PHF24: variants seen among roughly 807,000 people sequenced by gnomAD.
PHF24 encodes Galpha inhibitory interacting protein.
Under a neutral mutation model 42.6 loss-of-function variants are expected in PHF24, and 25 were observed. The observed-to-expected ratio is 0.59, with a 90% CI of 0.43 to 0.82. The LOEUF is 0.82. Among genes scored for constraint, PHF24 ranks in the 40% least tolerant of loss-of-function variants. PHF24 has a pLI of 0.00. For synonymous variants in PHF24, 185 were observed against 204.8 expected (o/e 0.90, Z 0.83); for missense variants, 470 against 538.1 (o/e 0.87, Z 1.25).
the PHF24 span, among the ~76,000 whole-genome samples, chr9:34,715,462 C>A: frequency 6.6e-6 from 1 of 152,158 alleles, no homozygotes; most frequent in Non-Finnish European, 1.5e-5. Context: ...ACCCAAGCTC[C>A]TCTCAGTCCT....
exon 8 of PHF24, chr9:34,978,225 G>A (rs34461112): frequency 0.016 from 11,587 of 734,024 alleles, 102 homozygotes; most frequent in Non-Finnish European, 0.02. Context: ...CACTGCCAGC[G>A]TCTTAACTTG....
the PHF24 span, chr9:34,834,198 A>G: frequency 3.9e-6 from 6 of 1,544,660 alleles, no homozygotes; most frequent in Admixed American, 2.0e-5. Flanking sequence ...GAAATTCTGC[A>G]GTCCCAGGAC....
chr9:34,672,911 G>A, the PHF24 span, among the ~76,000 whole-genome samples: 1 of 152,186 alleles, frequency 6.6e-6, no homozygotes, highest in African/African-American at 2.4e-5. Context: ...GTCTCAGCCA[G>A]TTCTTCTGCC....
the PHF24 span, among the ~76,000 whole-genome samples, chr9:34,672,044 C>T: frequency 6.6e-6 from 1 of 152,282 alleles, no homozygotes; most frequent in African/African-American, 2.4e-5. Flanking sequence ...ACTTAAGTGC[C>T]AGGCACCATG....
At chr9:34,940,912 C>G in the PHF24 span, among the ~76,000 whole-genome samples, 1 of 152,316 alleles carries the variant, frequency 6.6e-6, no homozygotes, top group Non-Finnish European at 1.5e-5. Flanking sequence ...CAGACTGGTT[C>G]CTAAACACAA....
At chr9:34,743,393 G>A in the PHF24 span, among the ~76,000 whole-genome samples, 19 of 152,188 alleles carry the variant, frequency 1.2e-4, no homozygotes, top group African/African-American at 4.3e-4. Context: ...CCTCTAGAGC[G>A]TCTTCTTCCA....
At chr9:34,762,868 T>G in the PHF24 span, among the ~76,000 whole-genome samples, 3 of 152,210 alleles carry the variant, frequency 2.0e-5, no homozygotes, top group Non-Finnish European at 4.4e-5. Flanking sequence ...TCGAATTAAT[T>G]TTGGTATAAG....
chr9:34,855,660 A>G, the PHF24 span, among the ~76,000 whole-genome samples: 1 of 151,982 alleles, frequency 6.6e-6, no homozygotes, highest in East Asian at 1.9e-4. Flanking sequence ...AGCCTGGTGG[A>G]CTTCCTTTGT....
At chr9:34,735,549 C>A in the PHF24 span, among the ~76,000 whole-genome samples, 1 of 151,754 alleles carries the variant, frequency 6.6e-6, no homozygotes, top group East Asian at 2.0e-4. Context: ...GCCTGTAATC[C>A]TGGCACTTTG....
the PHF24 span, among the ~76,000 whole-genome samples, chr9:34,762,095 A>G: frequency 4.6e-5 from 7 of 152,060 alleles, no homozygotes; most frequent in Non-Finnish European, 8.8e-5. Flanking sequence ...CCAGTCTATC[A>G]TTGTTGGACA....
At chr9:34,934,629 A>G in the PHF24 span, among the ~76,000 whole-genome samples, 1 of 152,032 alleles carries the variant, frequency 6.6e-6, no homozygotes, top group African/African-American at 2.4e-5. Flanking sequence ...CTGACTCTCA[A>G]ACAAAATTGG....
the PHF24 span, among the ~76,000 whole-genome samples, chr9:34,875,934 A>ACTCT: frequency 4.0e-3 from 312 of 77,996 alleles, 4 homozygotes; most frequent in South Asian, 0.011. Flanking sequence ...ACACACACAC[A>ACTCT]CACACACACA....
At chr9:34,695,351 CT>C in the PHF24 span, among the ~76,000 whole-genome samples, 1 of 152,168 alleles carries the variant, frequency 6.6e-6, no homozygotes, top group Non-Finnish European at 1.5e-5. Flanking sequence ...AGCTCCACAC[CT>C]TTTTTTCCCC....
chr9:34,816,840 A>G, the PHF24 span, among the ~76,000 whole-genome samples: 5 of 152,236 alleles, frequency 3.3e-5, no homozygotes, highest in African/African-American at 1.2e-4. Context: ...TCCCAACCAC[A>G]CAGACTCTCA....
chr9:34,912,670 C>T, the PHF24 span, among the ~76,000 whole-genome samples: 3 of 152,154 alleles, frequency 2.0e-5, no homozygotes, highest in Admixed American at 2.0e-4. Flanking sequence ...GAACTACTGC[C>T]CACAGAAAGT....
chr9:34,901,912 G>A, the PHF24 span, among the ~76,000 whole-genome samples: 113 of 152,252 alleles, frequency 7.4e-4, 1 homozygote, highest in Non-Finnish European at 1.5e-3. Context: ...ACTTCAAAAC[G>A]AGGAGGTAAC....
the PHF24 span, chr9:34,709,346 C>T: frequency 1.2e-4 from 190 of 1,599,920 alleles, no homozygotes; most frequent in Middle Eastern, 1.3e-3. Flanking sequence ...AGGCTTCAAG[C>T]GCTGGTGAGG....
At chr9:34,885,790 C>A in the PHF24 span, among the ~76,000 whole-genome samples, 6 of 151,692 alleles carry the variant, frequency 4.0e-5, no homozygotes, top group African/African-American at 1.2e-4. Context: ...AGAGCACCTG[C>A]TGCACAGATA....
chr9:34,866,061 A>G, the PHF24 span, among the ~76,000 whole-genome samples: 6 of 152,344 alleles, frequency 3.9e-5, no homozygotes, highest in South Asian at 1.0e-3. Flanking sequence ...CAATTATACA[A>G]TGTCATGAAT....
Sources: gnomAD v4.1 joint callset for allele counts (sites outside exome capture counted in the v4.1 genomes callset) on GRCh38, gnomAD v4.1.1 for gene constraint, MANE v1.5 for transcripts, NCBI Gene and HGNC (gene_info 2026-07-23, HGNC 2026-07-21) for gene names.